LSS: variants seen among roughly 807,000 people sequenced by gnomAD.
LSS encodes lanosterol synthase.
Under a neutral mutation model 110.3 loss-of-function variants are expected in LSS, and 90 were observed. The observed-to-expected ratio is 0.82, with a 90% CI of 0.69 to 0.97. The LOEUF (loss-of-function observed/expected upper bound fraction) is 0.97. Ranked by LOEUF, LSS falls within the 50% of genes least tolerant of loss-of-function variation. LSS has a pLI of 0.00. For synonymous variants in LSS, 433 were observed against 400.0 expected (o/e 1.08, Z -0.98); for missense variants, 927 against 990.0 (o/e 0.94, Z 0.85).
At chr21:46,215,145 G>A (rs972202726) in intron 9 of LSS, 35 bp downstream of exon 9, 1 of 1,572,082 alleles carries the variant, frequency 6.4e-7, no homozygotes, top group Non-Finnish European at 8.7e-7. Context: ...TCAACCCCCA[G>A]GGGCTGCAGT....
At chr21:46,203,849 A>G (rs1047051525) in intron 17 of LSS, among the ~76,000 whole-genome samples, 1 of 152,232 alleles carries the variant, frequency 6.6e-6, no homozygotes, top group Non-Finnish European at 1.5e-5. Context: ...AACAGAAAAC[A>G]CTTTTAGTAT....
intron 5 of LSS, among the ~76,000 whole-genome samples, chr21:46,220,118 G>A (rs1338331313): frequency 6.6e-6 from 1 of 152,220 alleles, no homozygotes; most frequent in African/African-American, 2.4e-5. Context: ...AGCAGCAGCA[G>A]TCCTGGCACA....
At chr21:46,217,846 C>T (rs2839154) in intron 6 of LSS, among the ~76,000 whole-genome samples, 63,182 of 151,998 alleles carry the variant, frequency 0.42, 13,609 homozygotes, top group East Asian at 0.59. Flanking sequence ...CAGAGTCCAG[C>T]GGGCATTTGA....
intron 8 of LSS, 137 bp downstream of exon 8, chr21:46,215,548 G>A (rs2080192673): frequency 7.7e-6 from 5 of 652,450 alleles, no homozygotes; most frequent in South Asian, 1.9e-5. Flanking sequence ...GGGGCAGGGC[G>A]ATGAGATCCC....
At chr21:46,227,506 T>C (rs760949266) in intron 3 of LSS, 46 bp downstream of exon 3, 4 of 1,607,974 alleles carry the variant, frequency 2.5e-6, no homozygotes, top group Non-Finnish European at 3.4e-6. Flanking sequence ...ATCCCAAGGG[T>C]GATCCAGGGT....
In LSS at chr21:46,190,905, C is replaced by T; in HGVS notation, c.*199G>A. 1 of 583,462 alleles carries T rather than the reference C, an allele frequency of 1.7e-6. No individual in the cohort carries two copies. Among genetic ancestry groups the T allele is most frequent in the Non-Finnish European group, 2.9e-6 (1 of 344,384 alleles). The allele number at this position is 583,462 out of a possible 1,614,324, so 36.1% of individuals were successfully genotyped here. On this transcript the variant is annotated 3_prime_UTR_variant, in exon 22 of 22. Transcript: ENST00000397728. The surrounding 1 kb of genome is among the most constrained non-coding windows in gnomAD (Gnocchi z 4.6). ...CCGACAAGCTACTTTCAGAAATGAA[C>T]CTACAGTAAAAATCAAGAGTCTAAG...
intron 6 of LSS, among the ~76,000 whole-genome samples, chr21:46,217,243 C>CAAAAAAAAA (rs752647829): frequency 4.7e-5 from 2 of 42,408 alleles, no homozygotes; most frequent in Non-Finnish European, 1.1e-4. Flanking sequence ...GACTCTGTCT[C>CAAAAAAAAA]AAAAAAAAAA....
intron 20 of LSS, chr21:46,192,384 C>A: frequency 1.2e-5 from 5 of 421,722 alleles, no homozygotes; most frequent in South Asian, 7.2e-5. Flanking sequence ...GACTGTCCTG[C>A]CCTCAGGGGT....
Position 46,209,589 on chromosome 21 carries a change from G to A in LSS, c.1231C>T (p.Leu411=). 1 of 1,604,014 alleles carries A rather than the reference G, an allele frequency of 6.2e-7. No homozygotes were observed. The highest frequency in any genetic ancestry group is 1.1e-5 in the South Asian group (1 of 88,692). The change falls in exon 13 of 22, where the codon CTG becomes TTG. Residue 411 remains leucine (L), a synonymous_variant. Transcript: ENST00000397728. This position sits in a 1 kb window ranked among gnomAD's most constrained non-coding sequence, Gnocchi z 4.4. ...CTCAGGAACTCATGAGCCTTCTGCA[G>A]GCAGGACGAAAACTCGGGCCTGTGG... ...GHHRPEFSSC[L]QKAHEFLRLS...
chr21:46,193,924 G>A (rs1439582786), intron 20 of LSS, among the ~76,000 whole-genome samples: 3 of 151,876 alleles, frequency 2.0e-5, no homozygotes, highest in African/African-American at 7.3e-5. Flanking sequence ...ATGGGATGCT[G>A]TGGGTGCATC....
At chr21:46,199,545 C>T (rs902382857) in intron 17 of LSS, among the ~76,000 whole-genome samples, 2 of 152,294 alleles carry the variant, frequency 1.3e-5, no homozygotes, top group African/African-American at 4.8e-5. Flanking sequence ...CTTATGTGCA[C>T]GCTAACATTG....
intron 20 of LSS, chr21:46,192,843 A>G (rs547622841): frequency 1.1e-5 from 5 of 450,492 alleles, no homozygotes; most frequent in Admixed American, 7.1e-5. Flanking sequence ...TGTGTGGCAC[A>G]GATGGGATAC....
intron 11 of LSS, among the ~76,000 whole-genome samples, chr21:46,211,424 T>A (rs752649391): frequency 6.6e-6 from 1 of 152,226 alleles, no homozygotes; most frequent in Non-Finnish European, 1.5e-5. Context: ...CCACCGCACC[T>A]GGCCAATGAT....
chr21:46,191,201 G>C lies in LSS; in HGVS notation c.2102C>G (p.Ala701Gly), dbSNP rs755082956. ...NIAGVFNKSC[A>G]ISYTSYRNIF... The stretch of plus-strand genomic sequence containing the variant: ...GTTCCTGTAGCTCGTGTAGGAGATG[G>C]CACAGGACTTGTTGAAGACCCCAGC... The change falls in exon 22 of 22, where the codon GCC becomes GGC. Residue 701 changes from alanine (A) to glycine (G), a missense_variant. Transcript: ENST00000397728. 3 of 1,614,040 alleles carry C rather than the reference G, an allele frequency of 1.9e-6. No individual in the cohort carries two copies. The South Asian group carries it at 3.3e-5, about 18-fold the overall frequency.
intron 19 of LSS, 105 bp from the exon 20 acceptor site, chr21:46,194,766 G>A (rs919266217): frequency 1.9e-5 from 22 of 1,143,302 alleles, no homozygotes; most frequent in Admixed American, 5.4e-5. Context: ...GAGCCTGCAC[G>A]ATGGGGCCAC....
intron 15 of LSS, among the ~76,000 whole-genome samples, chr21:46,207,056 T>C (rs2080059055): frequency 6.6e-6 from 1 of 152,154 alleles, no homozygotes; most frequent in Non-Finnish European, 1.5e-5. Flanking sequence ...GGGTCTCCAC[T>C]GGGAAACACA....
intron 17 of LSS, among the ~76,000 whole-genome samples, chr21:46,197,723 A>G (rs2079927194): frequency 6.6e-6 from 1 of 152,150 alleles, no homozygotes; most frequent in South Asian, 2.1e-4. Context: ...CCCCGTCTCT[A>G]CTAAAAATAC....
chr21:46,211,177 A>G (rs1317027312), intron 11 of LSS, among the ~76,000 whole-genome samples: 2 of 151,990 alleles, frequency 1.3e-5, no homozygotes, highest in African/African-American at 4.8e-5. Flanking sequence ...CCCAGGCTGG[A>G]GTGCAGTGGC....
At position 46,188,763 on chromosome 21, in the gene LSS, G is replaced by A. The variant is rs1045736242; in HGVS notation, c.*2341C>T. 1 of 471,230 alleles carries A rather than the reference G, an allele frequency of 2.1e-6. No individual in the cohort carries two copies. The allele number at this position is 471,230 out of a possible 1,614,324, so 29.2% of individuals were successfully genotyped here. On this transcript the variant is annotated 3_prime_UTR_variant, in exon 22 of 22. Coordinates refer to ENST00000397728, the MANE Select transcript of LSS (RefSeq NM_002340.6). ...GCAGGGATACTGACACTGAAGTCCT[G>A]CCTGTGTAATAACACCGAAGAGGGC...
Sources: allele counts gnomAD v4.1 joint callset (sites outside exome capture counted in the v4.1 genomes callset), GRCh38; gene constraint gnomAD v4.1.1; non-coding constraint Gnocchi (gnomAD v3.1); transcripts MANE v1.5; gene names NCBI Gene and HGNC (gene_info 2026-07-23, HGNC 2026-07-21).